The following ATXN2 variants were observed in gnomAD, a reference collection of about 807,000 sequenced individuals.
ATXN2 encodes ataxin 2, also known as ataxin-2.
ATXN2 carries 37 observed loss-of-function variants against 138.6 expected under a neutral mutation model. That is an observed-to-expected ratio of 0.27 (90% CI 0.21 to 0.35). ATXN2 has a LOEUF of 0.35. Among genes scored for constraint, ATXN2 ranks in the 10% least tolerant of loss-of-function variants. ATXN2 has a pLI of 1.00. For synonymous variants in ATXN2, 549 were observed against 543.7 expected (o/e 1.01, Z -0.13); for missense variants, 1,216 against 1,480.3 (o/e 0.82, Z 2.93).
rs1566090925 is a variant in ATXN2 at position 111,598,960 on chromosome 12, C to CTGT, written c.74_75insACA (p.Gln28dup). The CTGT allele has an allele frequency of 2.0e-6, 3 of 1,500,510 alleles. No individual in the cohort carries two copies. Among genetic ancestry groups the CTGT allele is most frequent in the Admixed American group, 2.1e-5 (1 of 47,912 alleles). 92.9% of individuals were successfully genotyped at this position (1,500,510 alleles called of 1,614,324 possible). On this transcript the variant is annotated inframe_insertion, in exon 1 of 25. Coordinates refer to ENST00000673436, the MANE Select transcript of ATXN2 (RefSeq NM_001372574.1). This position sits in a 1 kb window ranked among gnomAD's most constrained non-coding sequence, Gnocchi z 4.5. The stretch of plus-strand genomic sequence containing the variant: ...CAGCCGCGGGCGGCGGCTGCTGCTG[C>CTGT]TGCTGCTGCTGCTGCTGTTGCTGCT...
chr12:111,592,895 G>C (rs2135852739), intron 1 of ATXN2, among the ~76,000 whole-genome samples: 1 of 145,834 alleles, frequency 6.9e-6, no homozygotes, highest in Middle Eastern at 3.6e-3. Context: ...ATAGGGTTTT[G>C]TTCATGCTCA....
In ATXN2 at chr12:111,598,039, A is replaced by C. The variant is rs1592944197; in HGVS notation, c.251+745T>G. 1.7e-6 allele frequency: 2 copies of C among 1,164,168 alleles called. No homozygotes were observed. Among genetic ancestry groups the C allele is most frequent in the Non-Finnish European group, 2.2e-6 (2 of 926,852 alleles). The allele number at this position is 1,164,168 out of a possible 1,614,324, so 72.1% of individuals were successfully genotyped here. On this transcript the variant is annotated intron_variant, in intron 1 of 24. Transcript: ENST00000673436. The surrounding 1 kb of genome is among the most constrained non-coding windows in gnomAD (Gnocchi z 4.5). ...GCCGGGACGGGGCCGGGCACTCCCC[A>C]CCCCTTCCCTTCCCCAGGTGGGGGA...
chr12:111,599,115 G>A lies in ATXN2; in HGVS notation c.-81C>T. ...CGCGCCAAGGAGACGCCGGAACGCG[G>A]CGGGGACGCGCGGGCGCCGAGCGGG... On this transcript the variant is annotated 5_prime_UTR_variant, in exon 1 of 25. Transcript: ENST00000673436. The A allele has an allele frequency of 7.9e-7, 1 of 1,258,294 alleles. No individual in the cohort carries two copies. Among genetic ancestry groups the A allele is most frequent in the East Asian group, 3.2e-5 (1 of 30,826 alleles). The allele number at this position is 1,258,294 out of a possible 1,614,324, so 77.9% of individuals were successfully genotyped here.
intron 1 of ATXN2, among the ~76,000 whole-genome samples, chr12:111,582,250 C>G (rs1360000250): frequency 3.9e-5 from 6 of 152,042 alleles, no homozygotes. Flanking sequence ...TTGAGACCAA[C>G]CTGGGCAACA....
intron 5 of ATXN2, among the ~76,000 whole-genome samples, chr12:111,526,354 C>CA (rs111688508): frequency 1.7e-3 from 209 of 124,428 alleles, no homozygotes; most frequent in African/African-American, 4.6e-3. Context: ...GACCCTGTCT[C>CA]AAAAAAAAAA....
intron 6 of ATXN2, among the ~76,000 whole-genome samples, chr12:111,522,474 G>A (rs1476834337): frequency 6.6e-6 from 1 of 152,024 alleles, no homozygotes; most frequent in Non-Finnish European, 1.5e-5. Context: ...GCCAGGTGTG[G>A]TGGCGGGAGC....
At position 111,513,416 on chromosome 12, in the gene ATXN2, G is replaced by T. The variant is rs1464959450; in HGVS notation, c.1499C>A (p.Thr500Asn). Residue 500 changes from threonine to asparagine, a missense_variant, in exon 11 of 25, where the codon ACT becomes AAT. Physicochemically the swap from Thr to Asn is moderately conservative, Grantham distance 65 (BLOSUM62 0). Around this residue, in one of 4 missense-constraint regions of ATXN2, gnomAD observed 215 missense variants for 210.0 expected, o/e 1.02. Transcript: ENST00000673436. ...GGGACTGGTCCTTGCTACTGGAGGA[G>T]TAGCTGCTTCACTGGGTGGGTTGTG... ...VSHNPPSEAA[T>N]PPVARTSPSG... 2 of 1,613,952 alleles carry T rather than the reference G, an allele frequency of 1.2e-6. No individual in the cohort carries two copies. The highest frequency in any genetic ancestry group is 1.7e-5 in the Admixed American group (1 of 59,974).
chr12:111,549,188 C>G (rs555945716), intron 5 of ATXN2, among the ~76,000 whole-genome samples: 1 of 152,224 alleles, frequency 6.6e-6, no homozygotes, highest in East Asian at 1.9e-4. Flanking sequence ...GGTGACTAAA[C>G]GTGAACCCAG....
At chr12:111,589,505 C>T (rs1335518306) in intron 1 of ATXN2, among the ~76,000 whole-genome samples, 1 of 152,074 alleles carries the variant, frequency 6.6e-6, no homozygotes, top group Non-Finnish European at 1.5e-5. Context: ...GGCGCAGTGG[C>T]TTATGCCTGT....
At chr12:111,571,790 G>T (rs1376759414) in intron 1 of ATXN2, among the ~76,000 whole-genome samples, 1 of 151,852 alleles carries the variant, frequency 6.6e-6, no homozygotes, top group Non-Finnish European at 1.5e-5. Context: ...GGCAGAGGTG[G>T]GCAGATCACC....
chr12:111,453,799 G>A lies in ATXN2; in HGVS notation c.3317C>T (p.Ala1106Val), dbSNP rs139440093. ...CTGTGTCGTCATTAGCATCATTGGCGCATGGGCAGTTGGATGAGAAGGAAC... is the reference window on the plus strand; with the variant it reads ...CTGTGTCGTCATTAGCATCATTGGCACATGGGCAGTTGGATGAGAAGGAAC... ...GMVPSHPTAH[A>V]PMMLMTTQPP... The change falls in exon 24 of 25, where the codon GCG (alanine) becomes GTG (valine). Residue 1106 changes from alanine to valine, a missense_variant. Transcript: ENST00000673436. This position sits in a 1 kb window ranked among gnomAD's most constrained non-coding sequence, Gnocchi z 5.4. 20 of 1,613,946 alleles carry A rather than the reference G, an allele frequency of 1.2e-5. No individual in the cohort carries two copies. Among genetic ancestry groups the A allele is most frequent in the African/African-American group, 5.3e-5 (4 of 74,930 alleles).
intron 18 of ATXN2, chr12:111,484,968 T>C: frequency 3.9e-6 from 1 of 253,598 alleles, no homozygotes; most frequent in African/African-American, 2.2e-5. Context: ...GCTCAAGCAA[T>C]CCTCCTGCCT....
chr12:111,572,884 G>A (rs1334066222), intron 1 of ATXN2, among the ~76,000 whole-genome samples: 1 of 152,018 alleles, frequency 6.6e-6, no homozygotes, highest in Non-Finnish European at 1.5e-5. Context: ...AGTGGTGTGT[G>A]GGTTCTCAGA....
intron 8 of ATXN2, among the ~76,000 whole-genome samples, chr12:111,519,172 G>A (rs1880021688): frequency 6.6e-6 from 1 of 152,112 alleles, no homozygotes; most frequent in Non-Finnish European, 1.5e-5. Context: ...CTATTTCAGT[G>A]CACTAACTGT....
At chr12:111,585,801 CAAAAAAAAAAAAAAA>C (rs761433806) in intron 1 of ATXN2, among the ~76,000 whole-genome samples, 18 of 24,802 alleles carry the variant, frequency 7.3e-4, no homozygotes, top group Middle Eastern at 0.038. Context: ...AACTCCATCT[CAAAAAAAAAAAAAAA>C]AAAAAAAAAA....
In ATXN2 at chr12:111,525,329, G is replaced by A; in HGVS notation, c.572-13C>T. ...TCAGTAAAAGCATCTGCAAAGAATG[G>A]TTTTGGTTGAAAGTTTATATAATCT... is the stretch of plus-strand genomic sequence containing the variant. On this transcript the variant is annotated splice_polypyrimidine_tract_variant and intron_variant, in intron 5 of 24. Coordinates refer to ENST00000673436, the MANE Select transcript of ATXN2 (RefSeq NM_001372574.1). The A allele has an allele frequency of 1.3e-6, 2 of 1,551,278 alleles. No individual in the cohort carries two copies. The highest frequency in any genetic ancestry group is 1.7e-6 in the Non-Finnish European group (2 of 1,152,458).
chr12:111,519,745 A>T (rs1880052299), intron 8 of ATXN2, 134 bp downstream of exon 8: 34 of 1,457,674 alleles, frequency 2.3e-5, no homozygotes, highest in Non-Finnish European at 3.0e-5. Context: ...TCTCTAACAG[A>T]TCTTAAACCA....
intron 1 of ATXN2, among the ~76,000 whole-genome samples, chr12:111,561,134 G>A (rs1472835231): frequency 3.3e-5 from 5 of 151,648 alleles, no homozygotes; most frequent in African/African-American, 4.8e-5. Flanking sequence ...GCAGTGAGCC[G>A]AGATTGTGCC....
At chr12:111,560,832 T>C (rs1044405966) in intron 1 of ATXN2, among the ~76,000 whole-genome samples, 1 of 151,452 alleles carries the variant, frequency 6.6e-6, no homozygotes, top group Admixed American at 6.6e-5. Context: ...CAATAGAAAT[T>C]GCTTGTATAA....
Sources: gnomAD v4.1 joint callset for allele counts (sites outside exome capture counted in the v4.1 genomes callset) on GRCh38, gnomAD v4.1.1 for gene constraint, gnomAD v4.1.1 regional missense constraint, Gnocchi (gnomAD v3.1) non-coding constraint, MANE v1.5 for transcripts, NCBI Gene and HGNC (gene_info 2026-07-23, HGNC 2026-07-21) for gene names.